The following PTPRD variants were observed in gnomAD, a reference collection of about 807,000 sequenced individuals.
PTPRD encodes the protein protein tyrosine phosphatase receptor type D, also known as receptor-type tyrosine-protein phosphatase delta.
A neutral mutation model predicts 214.5 loss-of-function variants in PTPRD; 34 were observed. The ratio of observed to expected loss-of-function variants is 0.16; its 90% CI spans 0.12 to 0.21. The LOEUF (loss-of-function observed/expected upper bound fraction) is 0.21. Among genes scored for constraint, PTPRD ranks in the 10% least tolerant of loss-of-function variants. The pLI is 1.00. For missense variants in PTPRD, 2,545 were observed against 2,398.7 expected, an observed-to-expected ratio of 1.06 and a Z score of -1.27; for synonymous variants, 1,128 against 845.7, an observed-to-expected ratio of 1.33 and a Z score of -5.79.
intron 3 of PTPRD, among the ~76,000 whole-genome samples, chr9:10,066,041 A>G (rs1269022419): frequency 6.6e-6 from 1 of 152,006 alleles, no homozygotes; most frequent in East Asian, 1.9e-4. Context: ...ATCTTCTAGC[A>G]AAATGCCATT....
chr9:10,033,297 T>C (rs543123744), intron 4 of PTPRD, among the ~76,000 whole-genome samples: 1 of 151,980 alleles, frequency 6.6e-6, no homozygotes, highest in Admixed American at 6.6e-5. Flanking sequence ...TATTTGACTT[T>C]ATGGCATAAA....
chr9:10,511,974 G>GTATATATATATA (rs1276123845), intron 2 of PTPRD, among the ~76,000 whole-genome samples: 1 of 49,258 alleles, frequency 2.0e-5, no homozygotes, highest in African/African-American at 6.7e-5. Context: ...ATACGTGTGT[G>GTATATATATATA]TGTATATATA....
chr9:9,238,406 C>A (rs1355029469), intron 9 of PTPRD, among the ~76,000 whole-genome samples: 1 of 152,096 alleles, frequency 6.6e-6, no homozygotes. Flanking sequence ...GCAGGGGATA[C>A]AGACTCCACT....
At chr9:8,403,226 G>A (rs79096359) in intron 36 of PTPRD, among the ~76,000 whole-genome samples, 12,067 of 152,180 alleles carry the variant, frequency 0.079, 568 homozygotes, top group African/African-American at 0.12. Context: ...GATTTTGGAA[G>A]CAGAAAACAG....
intron 33 of PTPRD, among the ~76,000 whole-genome samples, chr9:8,456,726 C>A (rs867640429): frequency 6.6e-6 from 1 of 152,050 alleles, no homozygotes; most frequent in Non-Finnish European, 1.5e-5. Flanking sequence ...TCTCATCTAG[C>A]TCATGGTTTC....
rs572507672 is a variant in PTPRD at position 9,582,184 on chromosome 9, A to G, written c.-286-7403T>C. 5.3e-5 allele frequency among the ~76,000 whole-genome samples: 8 copies of G among 152,268 alleles called. No homozygotes were observed. In the South Asian group the frequency reaches 1.7e-3, roughly 32 times the overall value. ...CTTATTTTTTGCTAGGTTCATGACC[A>G]CTTGGAATAAGACAACCATCCTTAG... On this transcript the variant is annotated intron_variant, in intron 7 of 45. Transcript: ENST00000381196.
At chr9:8,963,475 TG>T (rs1293461684) in intron 11 of PTPRD, among the ~76,000 whole-genome samples, 1 of 152,162 alleles carries the variant, frequency 6.6e-6, no homozygotes, top group Non-Finnish European at 1.5e-5. Flanking sequence ...GTAGGGATGT[TG>T]GATTCTATCA....
chr9:9,749,745 G>C (rs551498956), intron 6 of PTPRD, among the ~76,000 whole-genome samples: 1 of 152,204 alleles, frequency 6.6e-6, no homozygotes, highest in Non-Finnish European at 1.5e-5. Flanking sequence ...CAGTTCATTT[G>C]GAAACCTCAT....
chr9:9,327,984 C>T (rs527269779), intron 9 of PTPRD, among the ~76,000 whole-genome samples: 16 of 151,900 alleles, frequency 1.1e-4, no homozygotes, highest in South Asian at 2.1e-4. Context: ...CATTCAAAGC[C>T]GTCCTGGGCC....
At chr9:8,947,462 C>CAAAAAA (rs138279192) in intron 11 of PTPRD, among the ~76,000 whole-genome samples, 20 of 92,984 alleles carry the variant, frequency 2.2e-4, no homozygotes, top group East Asian at 3.8e-4. Flanking sequence ...GACTCTGTCT[C>CAAAAAA]AAAAAAAAAA....
chr9:9,268,587 A>G (rs1219684482), intron 9 of PTPRD, among the ~76,000 whole-genome samples: 2 of 151,236 alleles, frequency 1.3e-5, no homozygotes, highest in Non-Finnish European at 3.0e-5. Context: ...ACAAAGCTGG[A>G]GGCATCACAT....
At chr9:10,435,617 C>A (rs1292135019) in intron 2 of PTPRD, among the ~76,000 whole-genome samples, 1 of 151,738 alleles carries the variant, frequency 6.6e-6, no homozygotes, top group Non-Finnish European at 1.5e-5. Context: ...TTTATTCATT[C>A]CAAATAATAT....
In PTPRD at chr9:8,631,792, CTTG is replaced by C. The variant is rs368957483; in HGVS notation, c.352+1522_352+1524del. 9.9e-4 allele frequency among the ~76,000 whole-genome samples: 151 copies of C among 151,904 alleles called. 1 individual carries two copies. The highest frequency in any genetic ancestry group is 3.6e-3 in the African/African-American group (150 of 41,502). On this transcript the variant is annotated intron_variant, in intron 14 of 45. Coordinates refer to ENST00000381196, the MANE Select transcript of PTPRD (RefSeq NM_002839.4). ...TGTCTTTTCTCTAGGAAATCCCTCC[CTTG>C]TTTTTAGCAACTGGAAATTTCAATT...
intron 10 of PTPRD, among the ~76,000 whole-genome samples, chr9:9,062,755 T>G (rs896237607): frequency 6.6e-6 from 1 of 152,222 alleles, no homozygotes; most frequent in African/African-American, 2.4e-5. Context: ...ATATGGCTGC[T>G]TATATCTATC....
chr9:9,000,575 TC>T (rs2099414122), intron 11 of PTPRD, among the ~76,000 whole-genome samples: 1 of 151,964 alleles, frequency 6.6e-6, no homozygotes, highest in Non-Finnish European at 1.5e-5. Flanking sequence ...TTATTAAGAC[TC>T]TCTGTGTCTA....
intron 11 of PTPRD, among the ~76,000 whole-genome samples, chr9:8,784,310 C>T (rs1341228502): frequency 6.6e-6 from 1 of 152,202 alleles, no homozygotes; most frequent in Non-Finnish European, 1.5e-5. Context: ...TCAAGGTTCC[C>T]AGTTTTAAAT....
rs188017506 is a variant in PTPRD, at chr9:8,317,203, A to T, written c.*671T>A. ...TTTGATATTTCTACAGCAAGATATTACAGATAACAGTTCTACAGCTTAAAA... is the reference window on the plus strand; with the variant it reads ...TTTGATATTTCTACAGCAAGATATTTCAGATAACAGTTCTACAGCTTAAAA... On this transcript the variant is annotated 3_prime_UTR_variant, in exon 46 of 46. Coordinates refer to ENST00000381196, the MANE Select transcript of PTPRD (RefSeq NM_002839.4). The T allele has an allele frequency of 6.5e-5, 15 of 232,060 alleles. No homozygotes were observed. In the East Asian group the frequency reaches 9.2e-4, roughly 14 times the overall value. 14.4% of individuals were successfully genotyped at this position (232,060 alleles called of 1,614,324 possible). A position where few individuals can be genotyped will look rare whatever the true frequency, so the allele number is the denominator to read the frequency against.
At position 9,132,889 on chromosome 9, in the gene PTPRD, T is replaced by A. The variant is rs376395765; in HGVS notation, c.-143+50415A>T. Reference sequence around the variant, plus strand: ...TAAGTGCTATATAAAAGAAGGAGAATGTGTTGATGCTGAGAATAGGGATGG... The same window carrying A: ...TAAGTGCTATATAAAAGAAGGAGAAAGTGTTGATGCTGAGAATAGGGATGG... On this transcript the variant is annotated intron_variant, in intron 10 of 45. Transcript: ENST00000381196. Among the ~76,000 whole-genome samples the A allele has an allele frequency of 8.9e-4, 135 of 152,316 alleles. 1 individual carries two copies. Among genetic ancestry groups the A allele is most frequent in the African/African-American group, 3.2e-3 (133 of 41,564 alleles).
chr9:9,169,694 A>G (rs939734914), intron 10 of PTPRD, among the ~76,000 whole-genome samples: 2 of 152,174 alleles, frequency 1.3e-5, no homozygotes, highest in African/African-American at 4.8e-5. Flanking sequence ...TGGAAAACAA[A>G]GATTTACTAC....
Sources: gnomAD v4.1 joint callset for allele counts (sites outside exome capture counted in the v4.1 genomes callset) on GRCh38, gnomAD v4.1.1 for gene constraint, MANE v1.5 for transcripts, NCBI Gene and HGNC (gene_info 2026-07-23, HGNC 2026-07-21) for gene names.